The following CDH8 variants were observed in gnomAD, a reference collection of about 807,000 sequenced individuals.
The protein encoded by CDH8 is cadherin-8.
A neutral mutation model predicts 68.1 loss-of-function variants in CDH8; 17 were observed. The ratio of observed to expected loss-of-function variants is 0.25; its 90% CI spans 0.17 to 0.37. The LOEUF (loss-of-function observed/expected upper bound fraction) is 0.37. Ranked by LOEUF, CDH8 falls within the 10% of genes least tolerant of loss-of-function variation. CDH8 has a pLI of 1.00. For synonymous variants in CDH8, 372 were observed against 365.1 expected, an observed-to-expected ratio of 1.02 and a Z score of -0.21; for missense variants, 763 against 999.3, an observed-to-expected ratio of 0.76 and a Z score of 3.19.
At chr16:61,920,009 T>C (rs1033074117) in intron 2 of CDH8, among the ~76,000 whole-genome samples, 1 of 151,662 alleles carries the variant, frequency 6.6e-6, no homozygotes, top group Non-Finnish European at 1.5e-5. Flanking sequence ...GGGAAAGGAT[T>C]CCCTATTTAA....
chr16:61,666,312 T>C (rs1431469654), intron 10 of CDH8, among the ~76,000 whole-genome samples: 1 of 151,990 alleles, frequency 6.6e-6, no homozygotes, highest in African/African-American at 2.4e-5. Context: ...TACTCTATTC[T>C]CTTTGTATGT....
At chr16:61,676,467 T>C (rs1963913987) in intron 10 of CDH8, among the ~76,000 whole-genome samples, 1 of 152,050 alleles carries the variant, frequency 6.6e-6, no homozygotes, top group Non-Finnish European at 1.5e-5. Flanking sequence ...AGTTTGTTTT[T>C]TCTTCAAATT....
At chr16:61,819,148 A>G (rs755082845) in intron 6 of CDH8, among the ~76,000 whole-genome samples, 44 of 152,146 alleles carry the variant, frequency 2.9e-4, no homozygotes, top group Non-Finnish European at 5.6e-4. Context: ...GCTTAATTCC[A>G]GCTCAAGATA....
rs374135313 is a variant in CDH8, at chr16:61,875,893, C to A, written c.548-18655G>T. ...TTTTCTTCTCCCTGCCCCTCCACCC[C>A]CAAGATGGAGTCTCGCTCTGTCACC... On this transcript the variant is annotated intron_variant, in intron 3 of 11. Transcript: ENST00000577390. Among the ~76,000 whole-genome samples, 162 of 152,180 alleles carry A rather than the reference C, an allele frequency of 1.1e-3. 1 individual carries two copies. The highest frequency in any genetic ancestry group is 3.8e-3 in the African/African-American group (157 of 41,534).
intron 2 of CDH8, among the ~76,000 whole-genome samples, chr16:61,966,311 G>A (rs528204435): frequency 1.6e-5 from 2 of 128,588 alleles, no homozygotes; most frequent in East Asian, 7.3e-4. Flanking sequence ...AGGCAGAGGT[G>A]GGCAGATCAC....
At chr16:61,747,023 C>T (rs531579851) in intron 8 of CDH8, among the ~76,000 whole-genome samples, 46 of 152,150 alleles carry the variant, frequency 3.0e-4, no homozygotes, top group Non-Finnish European at 5.6e-4. Flanking sequence ...TAAAAATAAA[C>T]TAGATGTTGT....
intron 4 of CDH8, among the ~76,000 whole-genome samples, chr16:61,848,032 C>T (rs1962849831): frequency 6.6e-6 from 1 of 151,912 alleles, no homozygotes; most frequent in Non-Finnish European, 1.5e-5. Context: ...GAAAACAAAC[C>T]TTTGTTGTTC....
At chr16:61,911,158 G>C (rs978179999) in intron 2 of CDH8, among the ~76,000 whole-genome samples, 1 of 152,040 alleles carries the variant, frequency 6.6e-6, no homozygotes, top group Non-Finnish European at 1.5e-5. Flanking sequence ...AAGAGTGGAA[G>C]GATGGACGGA....
At chr16:61,947,487 C>T (rs937513793) in intron 2 of CDH8, among the ~76,000 whole-genome samples, 1 of 152,150 alleles carries the variant, frequency 6.6e-6, no homozygotes, top group Non-Finnish European at 1.5e-5. Flanking sequence ...ATGGTCCCTG[C>T]CTTCAAGGAG....
chr16:62,010,304 T>G (rs546689298), intron 2 of CDH8, among the ~76,000 whole-genome samples: 40 of 152,272 alleles, frequency 2.6e-4, no homozygotes, highest in Admixed American at 9.8e-4. Flanking sequence ...ATCTCACTGT[T>G]CTCATCTGCA....
At chr16:61,752,561 A>T (rs1389970854) in intron 8 of CDH8, among the ~76,000 whole-genome samples, 1 of 152,180 alleles carries the variant, frequency 6.6e-6, no homozygotes, top group Admixed American at 6.6e-5. Flanking sequence ...CACTCCTGAT[A>T]CATCTCCACC....
Position 61,912,276 on chromosome 16 carries a change from G to A in CDH8, c.253-10803C>T, listed in dbSNP as rs1042424114. Among the ~76,000 whole-genome samples, 4 of 151,990 alleles carry A rather than the reference G, an allele frequency of 2.6e-5. No homozygotes were observed. The East Asian group carries it at 5.8e-4, about 22-fold the overall frequency. On this transcript the variant is annotated intron_variant, in intron 2 of 11. Transcript: ENST00000577390. ...GAGTTTCATTTGGGCCATAAAATAGGAGGGTGACAATGGCACATCATGTTT... is the reference window on the plus strand; with the variant it reads ...GAGTTTCATTTGGGCCATAAAATAGAAGGGTGACAATGGCACATCATGTTT...
At chr16:62,016,608 T>C (rs940168893) in intron 2 of CDH8, among the ~76,000 whole-genome samples, 1 of 152,226 alleles carries the variant, frequency 6.6e-6, no homozygotes, top group African/African-American at 2.4e-5. Flanking sequence ...CTTTTTTCTC[T>C]ATCACAATTT....
intron 3 of CDH8, among the ~76,000 whole-genome samples, chr16:61,882,968 A>ATCTTAAGCAAGCACTGTCC: frequency 6.6e-6 from 1 of 152,314 alleles, no homozygotes; most frequent in South Asian, 2.1e-4. Context: ...TGCCATGTAA[A>ATCTTAAGCAAGCACTGTCC]TCTTAAGCAA....
intron 9 of CDH8, among the ~76,000 whole-genome samples, chr16:61,718,616 A>G (rs1959195775): frequency 1.3e-5 from 2 of 151,302 alleles, no homozygotes; most frequent in Non-Finnish European, 3.0e-5. Flanking sequence ...ATTTCTGATG[A>G]TCATATTAAC....
rs1567546588 is a variant in CDH8 at position 61,960,346 on chromosome 16, C to CGTGTGTGTGTGT, written c.253-58874_253-58873insACACACACACAC. 3.2e-3 allele frequency among the ~76,000 whole-genome samples: 188 copies of CGTGTGTGTGTGT among 58,006 alleles called. 53 individuals are homozygous for CGTGTGTGTGTGT. The highest frequency in any genetic ancestry group is 4.1e-3 in the Non-Finnish European group (125 of 30,864). 38.1% of individuals were successfully genotyped at this position (58,006 alleles called of 152,430 possible). On this transcript the variant is annotated intron_variant, in intron 2 of 11. Transcript: ENST00000577390. ...GTGTGTGTGTATACACACATATATA[C>CGTGTGTGTGTGT]ATGTGTGTGTGTATACACATACATA... is the stretch of plus-strand genomic sequence containing the variant.
intron 4 of CDH8, among the ~76,000 whole-genome samples, chr16:61,836,352 T>A (rs567892514): frequency 1.3e-5 from 2 of 152,124 alleles, no homozygotes; most frequent in African/African-American, 4.8e-5. Flanking sequence ...GTCCATGATT[T>A]TTCTTCTGCC....
At chr16:61,888,822 C>A (rs535821642) in intron 3 of CDH8, among the ~76,000 whole-genome samples, 1 of 152,120 alleles carries the variant, frequency 6.6e-6, no homozygotes, top group African/African-American at 2.4e-5. Flanking sequence ...ACTTTGTGAA[C>A]GTCCTCCCAC....
chr16:61,885,413 T>C (rs1404480365), intron 3 of CDH8, among the ~76,000 whole-genome samples: 3 of 152,196 alleles, frequency 2.0e-5, no homozygotes, highest in East Asian at 1.9e-4. Flanking sequence ...TTACTATCTA[T>C]GTTCATGAGA....
Sources: gnomAD v4.1 joint callset for allele counts (sites outside exome capture counted in the v4.1 genomes callset) on GRCh38, gnomAD v4.1.1 for gene constraint, MANE v1.5 for transcripts, NCBI Gene and HGNC (gene_info 2026-07-23, HGNC 2026-07-21) for gene names.